The following KCNMB2 variants were observed in gnomAD, a reference collection of about 807,000 sequenced individuals.
KCNMB2 encodes potassium calcium-activated channel subfamily M regulatory beta subunit 2, also known as calcium-activated potassium channel subunit beta-2.
A neutral mutation model predicts 24.5 loss-of-function variants in KCNMB2; 9 were observed. That is an observed-to-expected ratio of 0.37 (90% CI 0.22 to 0.64). The LOEUF (loss-of-function observed/expected upper bound fraction) is 0.64, where lower values mean the gene tolerates loss of function less well. Ranked by LOEUF, KCNMB2 falls within the 30% of genes least tolerant of loss-of-function variation. The pLI is 0.63. For missense variants in KCNMB2, 226 were observed against 284.3 expected, an observed-to-expected ratio of 0.79 and a Z score of 1.47; for synonymous variants, 109 against 104.4, an observed-to-expected ratio of 1.04 and a Z score of -0.27.
At chr3:178,616,267 C>T (rs1718703150) in intron 1 of KCNMB2, among the ~76,000 whole-genome samples, 1 of 152,210 alleles carries the variant, frequency 6.6e-6, no homozygotes, top group Admixed American at 6.5e-5. Context: ...TCCTTACGTC[C>T]TAGACTTCCT....
chr3:178,627,414 G>T (rs1719160887), intron 1 of KCNMB2, among the ~76,000 whole-genome samples: 1 of 152,186 alleles, frequency 6.6e-6, no homozygotes, highest in African/African-American at 2.4e-5. Flanking sequence ...TTTATGTACA[G>T]TCCAGAGCCT....
At chr3:178,834,210 C>A (rs1187985676) in intron 4 of KCNMB2, among the ~76,000 whole-genome samples, 1 of 152,186 alleles carries the variant, frequency 6.6e-6, no homozygotes, top group Non-Finnish European at 1.5e-5. Flanking sequence ...ACTCTCACAA[C>A]ACACTGCTAA....
chr3:178,678,637 A>G (rs1209488380), intron 1 of KCNMB2, among the ~76,000 whole-genome samples: 1 of 152,228 alleles, frequency 6.6e-6, no homozygotes, highest in Non-Finnish European at 1.5e-5. Flanking sequence ...CCACCAGCAC[A>G]TGAAAACTCA....
chr3:178,694,277 A>G (rs1721795679), intron 1 of KCNMB2, among the ~76,000 whole-genome samples: 1 of 152,174 alleles, frequency 6.6e-6, no homozygotes, highest in Non-Finnish European at 1.5e-5. Context: ...ATTTCCACCT[A>G]GTCCCTCCTA....
In KCNMB2 at chr3:178,688,950, T is replaced by C. The variant is rs1238637944; in HGVS notation, c.-67-118393T>C. Among the ~76,000 whole-genome samples the C allele has an allele frequency of 2.6e-5, 4 of 152,236 alleles. No homozygotes were observed. In the South Asian group the frequency reaches 8.3e-4, roughly 32 times the overall value. ...AAGTGTTTCAGTAAGTATTTATACA[T>C]AAAAAATACTCTTTGGGAATTAAAA... On this transcript the variant is annotated intron_variant, in intron 1 of 4. Coordinates refer to ENST00000452583, the MANE Select transcript of KCNMB2 (RefSeq NM_181361.3).
intron 1 of KCNMB2, among the ~76,000 whole-genome samples, chr3:178,629,923 G>A (rs1174621895): frequency 1.3e-5 from 2 of 152,170 alleles, no homozygotes; most frequent in African/African-American, 4.8e-5. Flanking sequence ...GTATAGGCTA[G>A]TGATGGTTCT....
chr3:178,574,153 G>C (rs567576667), intron 1 of KCNMB2, among the ~76,000 whole-genome samples: 1 of 152,124 alleles, frequency 6.6e-6, no homozygotes, highest in African/African-American at 2.4e-5. Context: ...AAGAACAGAG[G>C]TCCTCTAAGA....
At chr3:178,549,190 A>T (rs1351028) in intron 1 of KCNMB2, among the ~76,000 whole-genome samples, 95,243 of 152,012 alleles carry the variant, frequency 0.63, 31,012 homozygotes, top group African/African-American at 0.81. Context: ...AGTAATGCTA[A>T]CCCTATTAGC....
rs1160923802 is a variant in KCNMB2, at chr3:178,843,767, C to G, written c.*830C>G. The G allele has an allele frequency of 6.6e-6, 1 of 152,056 alleles. No individual in the cohort carries two copies. The highest frequency in any genetic ancestry group is 6.6e-5 in the Admixed American group (1 of 15,264). 9.4% of individuals were successfully genotyped at this position (152,056 alleles called of 1,614,324 possible). ...AATCTTTATTTCACTTCAATTTAAC[C>G]ATTAGATGGTAAAATTAAGATGCTA... On this transcript the variant is annotated 3_prime_UTR_variant, in exon 5 of 5. Coordinates refer to ENST00000452583, the MANE Select transcript of KCNMB2 (RefSeq NM_181361.3).
intron 1 of KCNMB2, among the ~76,000 whole-genome samples, chr3:178,742,367 T>G (rs879670855): frequency 2.6e-5 from 4 of 152,208 alleles, no homozygotes; most frequent in Non-Finnish European, 4.4e-5. Flanking sequence ...TGAGGCTTAT[T>G]TCGTGCTGTA....
intron 1 of KCNMB2, among the ~76,000 whole-genome samples, chr3:178,731,400 G>A (rs1249732218): frequency 6.6e-6 from 1 of 152,126 alleles, no homozygotes; most frequent in Non-Finnish European, 1.5e-5. Context: ...TGTATTATAC[G>A]ATAGTTAGCA....
At chr3:178,565,149 G>A (rs1196107479) in intron 1 of KCNMB2, among the ~76,000 whole-genome samples, 7 of 152,216 alleles carry the variant, frequency 4.6e-5, no homozygotes, top group South Asian at 2.1e-4. Flanking sequence ...TACATGCCAC[G>A]TGATTAACAG....
intron 1 of KCNMB2, among the ~76,000 whole-genome samples, chr3:178,674,075 A>G (rs1233761080): frequency 6.6e-6 from 1 of 151,878 alleles, no homozygotes; most frequent in Non-Finnish European, 1.5e-5. Flanking sequence ...CTCTTCATCC[A>G]TCAATTACTT....
chr3:178,762,361 G>A (rs900657880), intron 1 of KCNMB2, among the ~76,000 whole-genome samples: 3 of 152,174 alleles, frequency 2.0e-5, no homozygotes, highest in East Asian at 3.8e-4. Flanking sequence ...AACAGTATAT[G>A]CAAAAGCCCT....
chr3:178,813,948 C>CGTCGTT (rs1553780663), intron 2 of KCNMB2, among the ~76,000 whole-genome samples: 2 of 149,470 alleles, frequency 1.3e-5, no homozygotes, highest in African/African-American at 5.0e-5. Context: ...AACTTCACTA[C>CGTCGTT]GTTGTTGTTG....
intron 1 of KCNMB2, among the ~76,000 whole-genome samples, chr3:178,647,853 TA>T (rs1719971078): frequency 1.3e-5 from 2 of 152,290 alleles, no homozygotes; most frequent in Non-Finnish European, 2.9e-5. Flanking sequence ...AAATATTTGC[TA>T]ACAATTCATG....
chr3:178,571,449 T>TAG (rs1716783840), intron 1 of KCNMB2, among the ~76,000 whole-genome samples: 1 of 29,412 alleles, frequency 3.4e-5, no homozygotes. Flanking sequence ...TCCTTATGGA[T>TAG]ATATATATAT....
chr3:178,598,269 T>C (rs899352439), intron 1 of KCNMB2, among the ~76,000 whole-genome samples: 3 of 152,092 alleles, frequency 2.0e-5, no homozygotes, highest in African/African-American at 7.2e-5. Flanking sequence ...TTGAATCCAG[T>C]CAAGAGATAG....
At chr3:178,569,493 C>T (rs1025037593) in intron 1 of KCNMB2, among the ~76,000 whole-genome samples, 6 of 152,146 alleles carry the variant, frequency 3.9e-5, no homozygotes, top group African/African-American at 1.4e-4. Flanking sequence ...TAGATGCCAC[C>T]TACAGCTTCT....
Sources: allele counts gnomAD v4.1 joint callset (sites outside exome capture counted in the v4.1 genomes callset), GRCh38; gene constraint gnomAD v4.1.1; transcripts MANE v1.5; gene names NCBI Gene and HGNC (gene_info 2026-07-23, HGNC 2026-07-21).